The following CENPU variants were observed in gnomAD, a reference collection of about 807,000 sequenced individuals.
CENPU encodes KSHV latent nuclear antigen interacting protein 1.
Under a neutral mutation model 56.7 loss-of-function variants are expected in CENPU, and 46 were observed. The ratio of observed to expected loss-of-function variants is 0.81; its 90% confidence interval spans 0.64 to 1.04. The LOEUF is 1.04. Ranked by LOEUF, CENPU falls within the 50% of genes least tolerant of loss-of-function variation. CENPU has a pLI of 0.00. For missense variants in CENPU, 510 were observed against 490.1 expected (o/e 1.04, Z -0.38); for synonymous variants, 166 against 163.0 (o/e 1.02, Z -0.14).
Position 184,716,582 on chromosome 4 carries a change from T to A in CENPU, c.433A>T (p.Ser145Cys). The A allele has an allele frequency of 6.2e-7, 1 of 1,614,236 alleles. No homozygotes were observed. Among genetic ancestry groups the A allele is most frequent in the Non-Finnish European group, 8.5e-7 (1 of 1,180,044 alleles). ...GATTTAACTTTTCTCCTTGTATCAC[T>A]TTCTTCAATGCTTTCAGAGTCATCA... ...ISDDSESIEE[S>C]DTRRKVKSAE... The change falls in exon 6 of 13, where the codon AGT becomes TGT. Residue 145 changes from serine (S) to cysteine (C), a missense_variant. Ser to Cys is a moderately radical substitution (Grantham distance 112, BLOSUM62 -1). Transcript: ENST00000281453.
At chr4:184,716,990 T>C (rs1761116199) in intron 5 of CENPU, 146 bp downstream of exon 5, 1 of 636,526 alleles carries the variant, frequency 1.6e-6, no homozygotes, top group Non-Finnish European at 2.6e-6. Context: ...AAAATAGAAC[T>C]TTATGAAAAA....
chr4:184,707,273 G>A (rs1482350952), intron 8 of CENPU, among the ~76,000 whole-genome samples: 1 of 150,964 alleles, frequency 6.6e-6, no homozygotes, highest in Non-Finnish European at 1.5e-5. Flanking sequence ...AAGGAGTGGC[G>A]CTGTGGCCAG....
chr4:184,710,131 A>G lies in CENPU; in HGVS notation c.738T>C (p.Ser246=), dbSNP rs1174161598. Reference sequence around the variant, plus strand: ...AAACAATATTCAACTCCTTGATGTCACTGGTTTTCATTCCTTCTGGACACC... The same window carrying G: ...AAACAATATTCAACTCCTTGATGTCGCTGGTTTTCATTCCTTCTGGACACC... ...HIWCPEGMKT[S]DIKELNIVLP... The change falls in exon 8 of 13, where the codon AGT becomes AGC. Residue 246 remains serine, a synonymous_variant. Transcript: ENST00000281453. The G allele has an allele frequency of 6.2e-7, 1 of 1,611,694 alleles. No individual in the cohort carries two copies. Among genetic ancestry groups the G allele is most frequent in the Non-Finnish European group, 8.5e-7 (1 of 1,178,740 alleles).
At chr4:184,706,571 A>G (rs1018460003) in intron 8 of CENPU, among the ~76,000 whole-genome samples, 4 of 152,220 alleles carry the variant, frequency 2.6e-5, no homozygotes, top group Non-Finnish European at 5.9e-5. Context: ...TTCCCTACTT[A>G]TACATAAACT....
At chr4:184,705,667 A>G (rs1760703156) in intron 8 of CENPU, among the ~76,000 whole-genome samples, 1 of 152,220 alleles carries the variant, frequency 6.6e-6, no homozygotes, top group African/African-American at 2.4e-5. Flanking sequence ...GTTCATAGCA[A>G]CATTATTCAC....
At chr4:184,732,190 G>A (rs1761671414) in intron 1 of CENPU, among the ~76,000 whole-genome samples, 1 of 152,044 alleles carries the variant, frequency 6.6e-6, no homozygotes, top group Non-Finnish European at 1.5e-5. Context: ...TTTTATGTGT[G>A]GATGTGTGCA....
intron 1 of CENPU, chr4:184,733,513 A>AC (rs999758172): frequency 2.2e-5 from 15 of 696,428 alleles, no homozygotes; most frequent in Admixed American, 1.8e-4. Context: ...GTAAACAAAA[A>AC]CCGCTCGAGC....
chr4:184,695,384 A>G lies in CENPU; in HGVS notation c.1161T>C (p.Leu387=), dbSNP rs1760243299. 2.5e-6 allele frequency: 4 copies of G among 1,612,422 alleles called. No individual in the cohort carries two copies. In the African/African-American group the frequency reaches 4.0e-5, roughly 16 times the overall value. ...TTCTTGCTTTAAATAACAGAGCTGG[A>G]AGGCTGGATGAATCATACTGTTGAA... ...NVKETYDSSS[L]PALLFKARTL... is the part of the protein sequence containing the mutation. The change falls in exon 13 of 13, where the codon CTT becomes CTC. Residue 387 remains leucine (L), a synonymous_variant. Transcript: ENST00000281453.
chr4:184,705,524 T>C (rs1021162066), intron 8 of CENPU, among the ~76,000 whole-genome samples: 2 of 152,128 alleles, frequency 1.3e-5, no homozygotes, highest in Non-Finnish European at 2.9e-5. Context: ...AATCCCTATA[T>C]TATTCCTTAC....
chr4:184,703,601 AT>A (rs1245235296), intron 8 of CENPU, among the ~76,000 whole-genome samples: 3 of 152,254 alleles, frequency 2.0e-5, no homozygotes, highest in South Asian at 2.1e-4. Flanking sequence ...TTCCAAAAAA[AT>A]AAATAAATTA....
At chr4:184,725,607 G>C (rs986192340) in intron 3 of CENPU, among the ~76,000 whole-genome samples, 1 of 152,206 alleles carries the variant, frequency 6.6e-6, no homozygotes, top group Non-Finnish European at 1.5e-5. Context: ...CTCTGCATGA[G>C]AGACCACTGC....
intron 8 of CENPU, among the ~76,000 whole-genome samples, chr4:184,705,702 C>G (rs1234765843): frequency 1.3e-5 from 2 of 152,136 alleles, no homozygotes; most frequent in Admixed American, 1.3e-4. Context: ...GGAAGCAACC[C>G]AAGTGTCAAC....
chr4:184,728,752 G>GT (rs1427701993), intron 3 of CENPU, among the ~76,000 whole-genome samples, 166 bp downstream of exon 3: 1 of 152,088 alleles, frequency 6.6e-6, no homozygotes, highest in Non-Finnish European at 1.5e-5. Flanking sequence ...CAATGTACCC[G>GT]TAAGTGAGGA....
At chr4:184,728,777 T>C in intron 3 of CENPU, 141 bp downstream of exon 3, 1 of 639,358 alleles carries the variant, frequency 1.6e-6, no homozygotes, top group Non-Finnish European at 2.8e-6. Context: ...TAATTCAAAT[T>C]ATCAAGTACT....
chr4:184,703,679 T>C (rs746614886), intron 8 of CENPU, among the ~76,000 whole-genome samples: 4 of 152,184 alleles, frequency 2.6e-5, no homozygotes, highest in Non-Finnish European at 2.9e-5. Flanking sequence ...CACAAAAGAA[T>C]TGAAAGCACG....
chr4:184,697,463 A>G (rs1273110603), intron 12 of CENPU, among the ~76,000 whole-genome samples, 184 bp downstream of exon 12: 1 of 151,942 alleles, frequency 6.6e-6, no homozygotes, highest in Non-Finnish European at 1.5e-5. Context: ...TCCAGCCTTC[A>G]TTAAGTAGCT....
At chr4:184,733,448 A>C in intron 1 of CENPU, 1 of 986,734 alleles carries the variant, frequency 1.0e-6, no homozygotes, top group Non-Finnish European at 1.2e-6. Flanking sequence ...CCAACGAATC[A>C]GCGACCAGCA....
rs1382661353 is a variant in CENPU at position 184,717,626 on chromosome 4, T to C, written c.321-430A>G. Among the ~76,000 whole-genome samples the C allele has an allele frequency of 3.9e-5, 6 of 152,224 alleles. No homozygotes were observed. In the East Asian group the frequency reaches 9.6e-4, roughly 24 times the overall value. On this transcript the variant is annotated intron_variant, in intron 4 of 12. Coordinates refer to ENST00000281453, the MANE Select transcript of CENPU (RefSeq NM_024629.4). ...GATGAAAACTCATCTTTTCATTCTG[T>C]TCAATACAACAAATTTATTTAACAC...
At chr4:184,718,786 C>T (rs1287515685) in intron 4 of CENPU, among the ~76,000 whole-genome samples, 2 of 152,092 alleles carry the variant, frequency 1.3e-5, no homozygotes, top group East Asian at 3.9e-4. Flanking sequence ...GGGTGAATGG[C>T]AAGACTATTA....
Sources: gnomAD v4.1 joint callset for allele counts (sites outside exome capture counted in the v4.1 genomes callset) on GRCh38, gnomAD v4.1.1 for gene constraint, MANE v1.5 for transcripts, NCBI Gene and HGNC (gene_info 2026-07-23, HGNC 2026-07-21) for gene names.